The following MCTP1 variants were observed in gnomAD, a reference collection of about 807,000 sequenced individuals.
The protein encoded by MCTP1 is multiple C2 and transmembrane domain-containing protein 1.
Under a neutral mutation model 120.6 loss-of-function variants are expected in MCTP1, and 69 were observed. The observed-to-expected ratio is 0.57, with a 90% confidence interval of 0.47 to 0.70. The LOEUF (loss-of-function observed/expected upper bound fraction) is 0.70, where lower values mean the gene tolerates loss of function less well. Among genes scored for constraint, MCTP1 ranks in the 30% least tolerant of loss-of-function variants. MCTP1 has a pLI of 0.00. For synonymous variants in MCTP1, 529 were observed against 493.1 expected (o/e 1.07, Z -0.96); for missense variants, 1,203 against 1,248.8 (o/e 0.96, Z 0.55).
At chr5:95,249,641 G>A (rs1757180912) in intron 1 of MCTP1, among the ~76,000 whole-genome samples, 1 of 152,086 alleles carries the variant, frequency 6.6e-6, no homozygotes, top group Non-Finnish European at 1.5e-5. Context: ...ATTTGACCCA[G>A]CGATCACATT....
At chr5:94,824,497 C>CT (rs970891797) in intron 17 of MCTP1, among the ~76,000 whole-genome samples, 2 of 152,080 alleles carry the variant, frequency 1.3e-5, no homozygotes, top group Non-Finnish European at 2.9e-5. Context: ...CTGAAATTTT[C>CT]TTTTTTTGTT....
chr5:94,727,309 A>G (rs537233734), intron 19 of MCTP1, among the ~76,000 whole-genome samples: 1 of 152,328 alleles, frequency 6.6e-6, no homozygotes, highest in East Asian at 1.9e-4. Context: ...AATCTGGGAT[A>G]GGGAAAAGCT....
At chr5:95,279,983 G>A (rs963737017) in intron 1 of MCTP1, among the ~76,000 whole-genome samples, 8 of 152,146 alleles carry the variant, frequency 5.3e-5, no homozygotes, top group South Asian at 4.1e-4. Context: ...GACTTTAGTC[G>A]TTTATAATAG....
At chr5:95,252,224 A>G (rs1757450778) in intron 1 of MCTP1, among the ~76,000 whole-genome samples, 1 of 152,108 alleles carries the variant, frequency 6.6e-6, no homozygotes, top group African/African-American at 2.4e-5. Flanking sequence ...GTGTGTTACT[A>G]ATTGGCTTTA....
chr5:94,774,917 A>G (rs2152919952), intron 19 of MCTP1, among the ~76,000 whole-genome samples: 1 of 152,266 alleles, frequency 6.6e-6, no homozygotes, highest in Non-Finnish European at 1.5e-5. Flanking sequence ...ATCTTCTCTC[A>G]TATCACATCA....
At chr5:95,095,225 A>G (rs960877997) in intron 1 of MCTP1, among the ~76,000 whole-genome samples, 1 of 150,918 alleles carries the variant, frequency 6.6e-6, no homozygotes, top group Admixed American at 6.6e-5. Flanking sequence ...GGGTTTCACC[A>G]TGTTAGCCAG....
chr5:94,931,893 G>T, intron 6 of MCTP1, 60 bp downstream of exon 6: 1 of 1,215,124 alleles, frequency 8.2e-7, no homozygotes. Flanking sequence ...AGAGATCTGG[G>T]AAAGCAGATG....
intron 1 of MCTP1, among the ~76,000 whole-genome samples, chr5:95,113,329 C>T (rs1412289720): frequency 6.6e-6 from 1 of 152,022 alleles, no homozygotes; most frequent in African/African-American, 2.4e-5. Context: ...AGCAGGTGAG[C>T]ACTTATAGTA....
chr5:95,229,495 C>T (rs1372192437), intron 1 of MCTP1, among the ~76,000 whole-genome samples: 1 of 152,096 alleles, frequency 6.6e-6, no homozygotes, highest in Non-Finnish European at 1.5e-5. Context: ...TTACTCACGC[C>T]TGTAATCCCA....
chr5:94,796,129 T>C (rs1362452186), intron 18 of MCTP1, among the ~76,000 whole-genome samples: 1 of 152,226 alleles, frequency 6.6e-6, no homozygotes, highest in Non-Finnish European at 1.5e-5. Context: ...GTGTTTCTTT[T>C]CTTTTCTTCT....
At chr5:95,211,565 T>C (rs149419995) in intron 1 of MCTP1, among the ~76,000 whole-genome samples, 1,838 of 152,292 alleles carry the variant, frequency 0.012, 31 homozygotes, top group African/African-American at 0.041. Flanking sequence ...TTATTCTAGT[T>C]ATACATTCGT....
intron 17 of MCTP1, among the ~76,000 whole-genome samples, chr5:94,807,413 A>T (rs1025822387): frequency 5.9e-5 from 9 of 152,192 alleles, no homozygotes; most frequent in Admixed American, 5.2e-4. Context: ...GTAAAGTGAG[A>T]CCTAAAATAT....
intron 2 of MCTP1, among the ~76,000 whole-genome samples, chr5:94,958,896 G>A (rs1170266022): frequency 2.6e-5 from 4 of 152,170 alleles, no homozygotes; most frequent in Non-Finnish European, 5.9e-5. Context: ...TAGGAAAAGA[G>A]GGATTCCTCC....
At chr5:95,186,196 G>A (rs1749186712) in intron 1 of MCTP1, among the ~76,000 whole-genome samples, 1 of 149,134 alleles carries the variant, frequency 6.7e-6, no homozygotes, top group African/African-American at 2.5e-5. Context: ...TGGGAAAGAA[G>A]AAGTAAACCC....
chr5:94,911,843 T>C (rs573685629), intron 9 of MCTP1, among the ~76,000 whole-genome samples: 1 of 152,306 alleles, frequency 6.6e-6, no homozygotes, highest in African/African-American at 2.4e-5. Context: ...TTCTTACTAC[T>C]GTTGTTACTC....
intron 1 of MCTP1, among the ~76,000 whole-genome samples, chr5:95,106,320 A>T (rs1757081174): frequency 6.6e-6 from 1 of 152,238 alleles, no homozygotes; most frequent in Non-Finnish European, 1.5e-5. Flanking sequence ...TGTTCCAGAA[A>T]AGGCTAGCTG....
At chr5:94,945,613 T>C (rs948481634) in intron 3 of MCTP1, among the ~76,000 whole-genome samples, 3 of 152,202 alleles carry the variant, frequency 2.0e-5, no homozygotes, top group Admixed American at 1.3e-4. Context: ...AGTCTTTGAT[T>C]TCTTGGAGCT....
chr5:94,947,577 T>TATAGAGAGAGAGAGAGAGAGAG, intron 3 of MCTP1, among the ~76,000 whole-genome samples: 2 of 47,400 alleles, frequency 4.2e-5, no homozygotes, highest in Non-Finnish European at 8.0e-5. Flanking sequence ...TATATATATA[T>TATAGAGAGAGAGAGAGAGAGAG]AGAGAGAGAG....
chr5:95,101,787 T>C (rs1756753499), intron 1 of MCTP1, among the ~76,000 whole-genome samples: 4 of 152,232 alleles, frequency 2.6e-5, no homozygotes, highest in African/African-American at 7.2e-5. Context: ...ATGAAGAACC[T>C]GAATTATTCA....
Sources: gnomAD v4.1 joint callset for allele counts (sites outside exome capture counted in the v4.1 genomes callset) on GRCh38, gnomAD v4.1.1 for gene constraint, MANE v1.5 for transcripts, NCBI Gene and HGNC (gene_info 2026-07-23, HGNC 2026-07-21) for gene names.